Variants in CHCHD6 observed in about 807,000 individuals in gnomAD.
CHCHD6 encodes MICOS complex subunit MIC25.
A neutral mutation model predicts 32.3 loss-of-function variants in CHCHD6; 28 were observed. The ratio of observed to expected loss-of-function variants is 0.87; its 90% CI spans 0.64 to 1.19. The LOEUF (loss-of-function observed/expected upper bound fraction) is 1.19, where lower values mean the gene tolerates loss of function less well. CHCHD6 is among the 50% of genes most tolerant of loss of function. The pLI is 0.00. For missense variants in CHCHD6, 333 were observed against 307.0 expected, an observed-to-expected ratio of 1.08 and a Z score of -0.63; for synonymous variants, 122 against 117.5, an observed-to-expected ratio of 1.04 and a Z score of -0.25.
chr3:126,916,259 G>T (rs1173374540), intron 6 of CHCHD6, among the ~76,000 whole-genome samples: 2 of 152,072 alleles, frequency 1.3e-5, no homozygotes, highest in Non-Finnish European at 2.9e-5. Context: ...AAATTAGCCG[G>T]ATGTGGTGGC....
intron 7 of CHCHD6, among the ~76,000 whole-genome samples, chr3:126,959,256 C>T (rs2078828439): frequency 6.6e-6 from 1 of 152,238 alleles, no homozygotes; most frequent in Non-Finnish European, 1.5e-5. Context: ...CGGCCCCTAC[C>T]CCTGACATGA....
At chr3:126,708,117 G>A (rs1934583552) in intron 1 of CHCHD6, among the ~76,000 whole-genome samples, 1 of 152,256 alleles carries the variant, frequency 6.6e-6, no homozygotes, top group African/African-American at 2.4e-5. Flanking sequence ...CCTCTCAGGA[G>A]GAGATGTTGA....
At chr3:126,715,349 C>T (rs1157030412) in intron 1 of CHCHD6, among the ~76,000 whole-genome samples, 2 of 152,176 alleles carry the variant, frequency 1.3e-5, no homozygotes, top group Non-Finnish European at 2.9e-5. Flanking sequence ...ACTGCCCTTA[C>T]CTGGAGCCTG....
At chr3:126,725,029 A>G (rs1935469819) in intron 1 of CHCHD6, among the ~76,000 whole-genome samples, 1 of 152,212 alleles carries the variant, frequency 6.6e-6, no homozygotes, top group Non-Finnish European at 1.5e-5. Context: ...TACTTCTTTT[A>G]GACTCCTATT....
At chr3:126,919,474 C>T (rs1025460756) in intron 6 of CHCHD6, among the ~76,000 whole-genome samples, 6 of 151,888 alleles carry the variant, frequency 4.0e-5, no homozygotes, top group East Asian at 1.9e-4. Context: ...CCACCACATT[C>T]GGCTAACTTT....
chr3:126,857,223 G>A (rs567945503), intron 5 of CHCHD6, among the ~76,000 whole-genome samples: 3 of 152,312 alleles, frequency 2.0e-5, no homozygotes, highest in African/African-American at 7.2e-5. Flanking sequence ...ATGCCCATAT[G>A]CAGGCTTCCT....
chr3:126,894,935 G>T (rs1693323424), intron 5 of CHCHD6, among the ~76,000 whole-genome samples: 1 of 152,186 alleles, frequency 6.6e-6, no homozygotes, highest in South Asian at 2.1e-4. Context: ...ATGCAAAATT[G>T]AACACCTCTT....
chr3:126,911,892 A>T (rs2078096179), intron 5 of CHCHD6, among the ~76,000 whole-genome samples: 1 of 152,206 alleles, frequency 6.6e-6, no homozygotes, highest in African/African-American at 2.4e-5. Flanking sequence ...GACACTCAGG[A>T]GCCCTGTGGG....
At position 126,960,294 on chromosome 3, in the gene CHCHD6, T is replaced by C; in HGVS notation, c.*93T>C. On this transcript the variant is annotated 3_prime_UTR_variant, in exon 8 of 8. Coordinates refer to ENST00000290913, the MANE Select transcript of CHCHD6 (RefSeq NM_032343.3). ...ACAGCCACTGTGCCCTGCCGTTTCC[T>C]GCTGGGCCCCTGCATATGCCCCTGA... is the stretch of plus-strand genomic sequence containing the variant. 1 of 1,464,550 alleles carries C rather than the reference T, an allele frequency of 6.8e-7. No homozygotes were observed. Among genetic ancestry groups the C allele is most frequent in the East Asian group, 2.5e-5 (1 of 40,504 alleles). 90.7% of individuals were successfully genotyped at this position (1,464,550 alleles called of 1,614,324 possible).
chr3:126,825,040 A>G (rs1225343045), intron 4 of CHCHD6, among the ~76,000 whole-genome samples: 2 of 152,148 alleles, frequency 1.3e-5, no homozygotes, highest in African/African-American at 4.8e-5. Flanking sequence ...CTTCTCTAGT[A>G]TAGTCTTTTA....
chr3:126,777,068 A>G (rs370852238), intron 4 of CHCHD6, among the ~76,000 whole-genome samples: 2 of 150,860 alleles, frequency 1.3e-5, no homozygotes, highest in Non-Finnish European at 3.0e-5. Context: ...CTCAGACTTC[A>G]CCTGCCACAC....
At chr3:126,788,295 T>TGTG (rs1938333226) in intron 4 of CHCHD6, among the ~76,000 whole-genome samples, 5 of 152,286 alleles carry the variant, frequency 3.3e-5, no homozygotes, top group Admixed American at 1.3e-4. Context: ...TCTTTTTTGG[T>TGTG]TGTGTCTCTG....
At chr3:126,864,103 A>ACCTCCTCCTC (rs1942128918) in intron 5 of CHCHD6, among the ~76,000 whole-genome samples, 1 of 128,290 alleles carries the variant, frequency 7.8e-6, no homozygotes, top group Non-Finnish European at 1.6e-5. Flanking sequence ...CACCATTACC[A>ACCTCCTCCTC]CATCCTCCAC....
intron 4 of CHCHD6, among the ~76,000 whole-genome samples, chr3:126,845,532 T>TATA: frequency 6.6e-6 from 1 of 152,304 alleles, no homozygotes; most frequent in East Asian, 1.9e-4. Flanking sequence ...TGGCCATATA[T>TATA]TTTATTTCTT....
intron 6 of CHCHD6, chr3:126,952,883 G>A: frequency 2.5e-6 from 2 of 788,494 alleles, no homozygotes. Flanking sequence ...GGCTCTGGGA[G>A]TCAGGCAGAC....
chr3:126,817,896 G>A (rs918584403), intron 4 of CHCHD6, among the ~76,000 whole-genome samples: 4 of 152,056 alleles, frequency 2.6e-5, no homozygotes, highest in African/African-American at 9.7e-5. Flanking sequence ...TCTGGGTTAG[G>A]CTACATACCA....
intron 4 of CHCHD6, among the ~76,000 whole-genome samples, chr3:126,817,122 TC>T (rs1207416910): frequency 1.3e-5 from 2 of 152,162 alleles, no homozygotes; most frequent in African/African-American, 4.8e-5. Context: ...TAAGGAGGCT[TC>T]TTTACCTTAA....
Position 126,934,536 on chromosome 3 carries a change from C to CTTTTTTTTTT in CHCHD6, c.566+19807_566+19816dup, listed in dbSNP as rs386397861. Among the ~76,000 whole-genome samples, 4 of 58,228 alleles carry CTTTTTTTTTT rather than the reference C, an allele frequency of 6.9e-5. 1 individual carries two copies. The highest frequency in any genetic ancestry group is 2.9e-4 in the African/African-American group (4 of 13,992). 38.2% of individuals were successfully genotyped at this position (58,228 alleles called of 152,430 possible). A position where few individuals can be genotyped will look rare whatever the true frequency, so the allele number is the denominator to read the frequency against. On this transcript the variant is annotated intron_variant, in intron 6 of 7. Coordinates refer to ENST00000290913, the MANE Select transcript of CHCHD6 (RefSeq NM_032343.3). ...CTTGGAATGCACCCTCCCCTCTCTGCTTTTTTTTTTTTTTTTTTTTTTTTT... is the reference window on the plus strand; with the variant it reads ...CTTGGAATGCACCCTCCCCTCTCTGCTTTTTTTTTTTTTTTTTTTTTTTTTTTTTTTTTTT...
At position 126,865,633 on chromosome 3, in the gene CHCHD6, C is replaced by A. The variant is rs1942264863; in HGVS notation, c.495+12903C>A. ...GCTACCACCATTTTGATTGCTGCTGCCCCCTCTCCCACCGCTACTACTATT... is the reference window on the plus strand; with the variant it reads ...GCTACCACCATTTTGATTGCTGCTGACCCCTCTCCCACCGCTACTACTATT... On this transcript the variant is annotated intron_variant, in intron 5 of 7. Coordinates refer to ENST00000290913, the MANE Select transcript of CHCHD6 (RefSeq NM_032343.3). The A allele has an allele frequency of 1.7e-5, 17 of 985,278 alleles. No individual in the cohort carries two copies. In the South Asian group the frequency reaches 7.0e-4, roughly 41 times the overall value. The allele number at this position is 985,278 out of a possible 1,614,324, so 61.0% of individuals were successfully genotyped here.
Sources: allele counts gnomAD v4.1 joint callset (sites outside exome capture counted in the v4.1 genomes callset), GRCh38; gene constraint gnomAD v4.1.1; transcripts MANE v1.5; gene names NCBI Gene and HGNC (gene_info 2026-07-23, HGNC 2026-07-21).